The following EIF4G3 variants were observed in gnomAD, a reference collection of about 807,000 sequenced individuals.
The protein encoded by EIF4G3 is eukaryotic translation initiation factor 4 gamma 3.
Under a neutral mutation model 186.4 loss-of-function variants are expected in EIF4G3, and 34 were observed. That is an observed-to-expected ratio of 0.18 (90% CI 0.14 to 0.24). The LOEUF is 0.24. Among genes scored for constraint, EIF4G3 ranks in the 10% least tolerant of loss-of-function variants. The pLI, the probability that EIF4G3 is intolerant of heterozygous loss-of-function variation, is 1.00. For synonymous variants in EIF4G3, 673 were observed against 679.5 expected (o/e 0.99, Z 0.15); for missense variants, 1,536 against 1,948.5 (o/e 0.79, Z 3.99).
intron 35 of EIF4G3, among the ~76,000 whole-genome samples, chr1:20,812,866 G>A (rs2059538186): frequency 6.6e-6 from 1 of 152,148 alleles, no homozygotes; most frequent in Non-Finnish European, 1.5e-5. Context: ...AGGCGGCCCT[G>A]AATGTTAGAA....
At chr1:20,829,077 T>G in intron 31 of EIF4G3, 70 bp downstream of exon 31, 1 of 1,541,896 alleles carries the variant, frequency 6.5e-7, no homozygotes, top group Non-Finnish European at 8.9e-7. Context: ...AGTACTATGA[T>G]AGAGAGCTAG....
intron 3 of EIF4G3, among the ~76,000 whole-genome samples, chr1:21,062,431 TA>T (rs2094966046): frequency 6.6e-6 from 1 of 152,064 alleles, no homozygotes; most frequent in African/African-American, 2.4e-5. Flanking sequence ...AAACTAAAAT[TA>T]AATCAAAGTC....
intron 14 of EIF4G3, among the ~76,000 whole-genome samples, chr1:20,927,944 A>C (rs1005207664): frequency 1.3e-5 from 2 of 151,900 alleles, no homozygotes; most frequent in African/African-American, 4.8e-5. Flanking sequence ...TGCGGCCTCA[A>C]TCTCAAAGGC....
chr1:20,961,946 T>A (rs903925385), intron 12 of EIF4G3, among the ~76,000 whole-genome samples: 1 of 152,236 alleles, frequency 6.6e-6, no homozygotes, highest in Non-Finnish European at 1.5e-5. Flanking sequence ...AGAATGCTAT[T>A]AATTTATCAG....
chr1:21,070,618 T>G (rs907393088), intron 3 of EIF4G3, among the ~76,000 whole-genome samples: 3 of 152,182 alleles, frequency 2.0e-5, no homozygotes, highest in Non-Finnish European at 4.4e-5. Flanking sequence ...TGAAAAGAAC[T>G]ATATAACCTA....
intron 4 of EIF4G3, among the ~76,000 whole-genome samples, chr1:21,009,780 A>C (rs958728126): frequency 6.6e-6 from 1 of 151,968 alleles, no homozygotes; most frequent in African/African-American, 2.4e-5. Flanking sequence ...TCAGCCTCCC[A>C]AGTAGCTGGG....
At chr1:20,964,693 A>T (rs2154564960) in intron 12 of EIF4G3, among the ~76,000 whole-genome samples, 1 of 152,262 alleles carries the variant, frequency 6.6e-6, no homozygotes, top group African/African-American at 2.4e-5. Flanking sequence ...ACCCTTTCAC[A>T]TTTGGCCTAG....
chr1:21,090,412 T>A (rs2096148620), intron 2 of EIF4G3, among the ~76,000 whole-genome samples: 1 of 152,192 alleles, frequency 6.6e-6, no homozygotes, highest in African/African-American at 2.4e-5. Flanking sequence ...AATCCAAGAA[T>A]CCATGAGGAT....
chr1:20,903,311 A>G (rs1288721104), intron 15 of EIF4G3, among the ~76,000 whole-genome samples: 1 of 152,198 alleles, frequency 6.6e-6, no homozygotes, highest in Non-Finnish European at 1.5e-5. Context: ...CTTTACACAA[A>G]AAGTTTGGTG....
At position 20,862,276 on chromosome 1, in the gene EIF4G3, G is replaced by A. The variant is rs1486636839; in HGVS notation, c.3063C>T (p.Thr1021=). 10 of 1,612,770 alleles carry A rather than the reference G, an allele frequency of 6.2e-6. No homozygotes were observed. The highest frequency in any genetic ancestry group is 2.2e-5 in the East Asian group (1 of 44,826). ...QMEKIVKERK[T]SSRIRFMLQD... ...GAAGCATGAACCGAATCCTAGATGA[G>A]GTTTTTCTTTCTTTCACAATTTTCT... The change falls in exon 23 of 37, where the codon ACC becomes ACT. Residue 1021 remains threonine (T), a synonymous_variant. Coordinates refer to ENST00000602326, the MANE Select transcript of EIF4G3 (RefSeq NM_001391906.1).
intron 2 of EIF4G3, among the ~76,000 whole-genome samples, chr1:21,127,933 G>T (rs983645809): frequency 3.9e-5 from 6 of 152,148 alleles, no homozygotes; most frequent in Admixed American, 1.3e-4. Flanking sequence ...GGCAGGGCAC[G>T]GTGGCTCATG....
At chr1:20,896,435 CAAAAAAAAAAA>C (rs201025308) in intron 16 of EIF4G3, among the ~76,000 whole-genome samples, 1 of 54,726 alleles carries the variant, frequency 1.8e-5, no homozygotes, top group Non-Finnish European at 4.0e-5. Context: ...GATTCTATCT[CAAAAAAAAAAA>C]AAAAAAGAAA....
intron 3 of EIF4G3, among the ~76,000 whole-genome samples, chr1:21,083,411 C>T (rs1033363343): frequency 8.6e-5 from 13 of 151,754 alleles, no homozygotes; most frequent in Admixed American, 7.2e-4. Flanking sequence ...TTCCTGGGCT[C>T]GAGCAGTCCT....
Position 20,999,152 on chromosome 1 carries a change from T to C in EIF4G3, c.145-1519A>G, listed in dbSNP as rs1485682521. 7.2e-5 allele frequency among the ~76,000 whole-genome samples: 11 copies of C among 152,314 alleles called. No individual in the cohort carries two copies. The East Asian group carries it at 1.7e-3, about 24-fold the overall frequency. On this transcript the variant is annotated intron_variant, in intron 6 of 36. Transcript: ENST00000602326. Reference sequence around the variant, plus strand: ...ACCTCAGAAGCTAAAATGTCACCTTTTGTTCAAGTAATGAAAAGTGCATTA... The same window carrying C: ...ACCTCAGAAGCTAAAATGTCACCTTCTGTTCAAGTAATGAAAAGTGCATTA...
chr1:20,878,855 AAC>A (rs745405389), intron 20 of EIF4G3, among the ~76,000 whole-genome samples: 6 of 152,234 alleles, frequency 3.9e-5, no homozygotes, highest in Non-Finnish European at 8.8e-5. Flanking sequence ...AGAGAAACCT[AAC>A]AGTTTCTATG....
At chr1:20,954,557 A>G (rs972970339) in intron 12 of EIF4G3, among the ~76,000 whole-genome samples, 1 of 150,836 alleles carries the variant, frequency 6.6e-6, no homozygotes, top group East Asian at 1.9e-4. Context: ...AAAAAAAAAA[A>G]AAGAAGCAAA....
rs550540500 is a variant in EIF4G3 at position 21,077,522 on chromosome 1, C to A, written c.-196+11616G>T. 5.5e-4 allele frequency among the ~76,000 whole-genome samples: 82 copies of A among 149,842 alleles called. 2 individuals carry two copies. Among genetic ancestry groups the A allele is most frequent in the Middle Eastern group, 3.4e-3 (1 of 290 alleles). On this transcript the variant is annotated intron_variant, in intron 3 of 36. Transcript: ENST00000602326. ...AATATCACTGATCATCAGGGAAACACAAACGAAAACCACAATGAGATTTCA... is the reference window on the plus strand; with the variant it reads ...AATATCACTGATCATCAGGGAAACAAAAACGAAAACCACAATGAGATTTCA...
At chr1:20,865,061 T>G in intron 21 of EIF4G3, 55 bp downstream of exon 21, 1 of 1,592,468 alleles carries the variant, frequency 6.3e-7, no homozygotes, top group South Asian at 1.1e-5. Flanking sequence ...TCCTGAAATT[T>G]CTACTTTACA....
intron 34 of EIF4G3, among the ~76,000 whole-genome samples, chr1:20,815,579 G>A (rs1207086971): frequency 4.6e-5 from 7 of 151,860 alleles, no homozygotes; most frequent in Admixed American, 2.0e-4. Context: ...GAGCCCCTCC[G>A]TCCGGCAGCC....
Sources: gnomAD v4.1 joint callset for allele counts (sites outside exome capture counted in the v4.1 genomes callset) on GRCh38, gnomAD v4.1.1 for gene constraint, MANE v1.5 for transcripts, NCBI Gene and HGNC (gene_info 2026-07-23, HGNC 2026-07-21) for gene names.